ERCC6: variants seen among roughly 807,000 people sequenced by gnomAD.
The protein encoded by ERCC6 is DNA excision repair protein ERCC-6.
In ERCC6, 116 loss-of-function variants were observed where a neutral mutation model predicts 158.7. The ratio of observed to expected loss-of-function variants is 0.73; its 90% CI spans 0.63 to 0.85. The LOEUF (loss-of-function observed/expected upper bound fraction) is 0.85. Among genes scored for constraint, ERCC6 ranks in the 40% least tolerant of loss-of-function variants. The probability of loss-of-function intolerance (pLI) is 0.00; values close to 1 mark genes in which losing one functional copy is unlikely to be tolerated. For synonymous variants in ERCC6, 678 were observed against 659.3 expected (o/e 1.03, Z -0.43); for missense variants, 1,698 against 1,799.4 (o/e 0.94, Z 1.02).
intron 7 of ERCC6, among the ~76,000 whole-genome samples, chr10:49,500,176 T>C (rs1179002898): frequency 2.0e-5 from 3 of 152,360 alleles, no homozygotes; most frequent in Admixed American, 6.5e-5. Context: ...AAAGGTATTA[T>C]GTCTAATTTA....
rs1227866860 is a variant in ERCC6 at position 49,458,683 on chromosome 10, T to G, written c.*132A>C. The G allele has an allele frequency of 4.7e-6, 4 of 855,580 alleles. No individual in the cohort carries two copies. In the African/African-American group the frequency reaches 6.9e-5, roughly 15 times the overall value. 53.0% of individuals were successfully genotyped at this position (855,580 alleles called of 1,614,324 possible). A position where few individuals can be genotyped will look rare whatever the true frequency, so the allele number is the denominator to read the frequency against. On this transcript the variant is annotated 3_prime_UTR_variant, in exon 21 of 21. Coordinates refer to ENST00000355832, the MANE Select transcript of ERCC6 (RefSeq NM_000124.4). ...TTCTTCTTCCTTAAAGTTTTAATTC[T>G]GAGGTAGACATCATGCAAACAAACA...
chr10:49,494,034 C>T (rs1023788970), intron 7 of ERCC6, among the ~76,000 whole-genome samples: 1 of 152,208 alleles, frequency 6.6e-6, no homozygotes, highest in African/African-American at 2.4e-5. Context: ...CACTGGGATA[C>T]ACACTGGAGC....
intron 4 of ERCC6, among the ~76,000 whole-genome samples, chr10:49,527,658 A>C (rs1032638935): frequency 1.3e-5 from 2 of 152,248 alleles, no homozygotes; most frequent in Non-Finnish European, 2.9e-5. Flanking sequence ...CTTGGGCAAC[A>C]AGAACGAAAC....
chr10:49,471,045 A>T lies in ERCC6; in HGVS notation c.3000T>A (p.Asp1000Glu). The change falls in exon 17 of 21, where the codon GAT becomes GAA. Residue 1000 changes from aspartate (D) to glutamate (E), a missense_variant. Coordinates refer to ENST00000355832, the MANE Select transcript of ERCC6 (RefSeq NM_000124.4). Reference sequence around the variant, plus strand: ...TAGTCAGAGTAAATAGCTCATAGAGATCATTGGATTTGAAAAACCGCCTTT... The same window carrying T: ...TAGTCAGAGTAAATAGCTCATAGAGTTCATTGGATTTGAAAAACCGCCTTT... ...PKQRRFFKSN[D>E]LYELFTLTSP... is the part of the protein sequence containing the mutation. The T allele has an allele frequency of 6.2e-7, 1 of 1,614,122 alleles. No individual in the cohort carries two copies. Among genetic ancestry groups the T allele is most frequent in the South Asian group, 1.1e-5 (1 of 91,082 alleles).
rs1295146037 is a variant in ERCC6 at position 49,470,903 on chromosome 10, A to G, written c.3071-14T>C. On this transcript the variant is annotated splice_polypyrimidine_tract_variant and intron_variant, in intron 17 of 20. Coordinates refer to ENST00000355832, the MANE Select transcript of ERCC6 (RefSeq NM_000124.4). ...CTGATCCAGTTCCTGTAAAGAGGAAAAACACCACTAATACTATATTGTATC... is the reference window on the plus strand; with the variant it reads ...CTGATCCAGTTCCTGTAAAGAGGAAGAACACCACTAATACTATATTGTATC... The G allele has an allele frequency of 6.2e-7, 1 of 1,613,516 alleles. No individual in the cohort carries two copies. The highest frequency in any genetic ancestry group is 8.5e-7 in the Non-Finnish European group (1 of 1,179,698).
chr10:49,493,389 T>G (rs1851210727), intron 7 of ERCC6, 137 bp from the exon 8 acceptor site: 2 of 1,128,730 alleles, frequency 1.8e-6, no homozygotes, highest in African/African-American at 1.6e-5. Flanking sequence ...TTATTGATAT[T>G]TTCTTTAAGA....
chr10:49,436,177 C>G, the ERCC6 span, among the ~76,000 whole-genome samples: 4 of 152,208 alleles, frequency 2.6e-5, no homozygotes, highest in East Asian at 5.8e-4. Flanking sequence ...ACCTCTACCT[C>G]TCTCCATGCT....
intron 7 of ERCC6, among the ~76,000 whole-genome samples, chr10:49,500,197 T>A (rs1235238867): frequency 6.6e-6 from 1 of 152,214 alleles, no homozygotes; most frequent in Admixed American, 6.5e-5. Context: ...AAATTCCATA[T>A]TGTGTAAACT....
chr10:49,530,701 G>A lies in ERCC6; in HGVS notation c.543+19C>T. The stretch of plus-strand genomic sequence containing the variant: ...ATGACTTTTTCAAAAATGCAATACT[G>A]AATGTTATTCTGAATCACCTTATTA... On this transcript the variant is annotated intron_variant, in intron 3 of 20. Coordinates refer to ENST00000355832, the MANE Select transcript of ERCC6 (RefSeq NM_000124.4). 1.2e-6 allele frequency: 2 copies of A among 1,611,524 alleles called. No individual in the cohort carries two copies. The highest frequency in any genetic ancestry group is 1.1e-5 in the South Asian group (1 of 90,772).
chr10:49,519,243 G>C (rs4253063), intron 5 of ERCC6, among the ~76,000 whole-genome samples: 4,714 of 152,298 alleles, frequency 0.031, 243 homozygotes, highest in African/African-American at 0.11. Context: ...AAGGAAACAT[G>C]TATGTAGAGG....
rs570490623 is a variant in ERCC6, at chr10:49,479,479, AAAG to A, written c.2170-1012_2170-1010del. Among the ~76,000 whole-genome samples the A allele has an allele frequency of 2.8e-3, 425 of 152,338 alleles. 1 individual carries two copies. The highest frequency in any genetic ancestry group is 9.9e-3 in the African/African-American group (410 of 41,576). ...GGCTTTACTTTGAATAATACATAAAAAAGAAGCTCAACTAATCAATGACTTTTA... is the reference window on the plus strand; with the variant it reads ...GGCTTTACTTTGAATAATACATAAAAAAGCTCAACTAATCAATGACTTTTA... On this transcript the variant is annotated intron_variant, in intron 10 of 20. Transcript: ENST00000355832.
chr10:49,474,734 GATTATT>G (rs567864286), intron 12 of ERCC6, among the ~76,000 whole-genome samples: 1 of 151,952 alleles, frequency 6.6e-6, no homozygotes, highest in Non-Finnish European at 1.5e-5. Context: ...TTTACCTTTA[GATTATT>G]ATTATATCAG....
At chr10:49,480,244 A>T (rs1262367786) in intron 10 of ERCC6, among the ~76,000 whole-genome samples, 1 of 151,950 alleles carries the variant, frequency 6.6e-6, no homozygotes, top group Non-Finnish European at 1.5e-5. Context: ...GAGCCCCATA[A>T]GCTCTGACAC....
chr10:49,476,078 A>C (rs557098613), intron 12 of ERCC6, 137 bp downstream of exon 12: 11 of 708,484 alleles, frequency 1.6e-5, no homozygotes, highest in Non-Finnish European at 2.5e-5. Flanking sequence ...CTGCACATCT[A>C]CCATGCGGGA....
At chr10:49,509,238 C>T (rs746162012) in intron 5 of ERCC6, among the ~76,000 whole-genome samples, 2 of 152,078 alleles carry the variant, frequency 1.3e-5, no homozygotes, top group Non-Finnish European at 2.9e-5. Flanking sequence ...AGCACAGAAC[C>T]TAGATTAGGA....
chr10:49,523,022 T>G (rs1459767252), intron 5 of ERCC6, among the ~76,000 whole-genome samples: 2 of 151,904 alleles, frequency 1.3e-5, no homozygotes, highest in Non-Finnish European at 2.9e-5. Context: ...TGGACGGGGG[T>G]TAATGAGCAG....
At chr10:49,461,936 A>G (rs1412384333) in intron 18 of ERCC6, among the ~76,000 whole-genome samples, 1 of 152,194 alleles carries the variant, frequency 6.6e-6, no homozygotes, top group African/African-American at 2.4e-5. Flanking sequence ...ACAGAAAGAC[A>G]TCCCTTGCAT....
intron 20 of ERCC6, chr10:49,460,123 G>C: frequency 1.8e-6 from 1 of 557,774 alleles, no homozygotes; most frequent in Non-Finnish European, 3.2e-6. Context: ...ACCTATCCCT[G>C]TGTCAACCTT....
chr10:49,527,682 T>C (rs140496471), intron 4 of ERCC6, among the ~76,000 whole-genome samples: 84 of 152,348 alleles, frequency 5.5e-4, no homozygotes, highest in African/African-American at 1.9e-3. Context: ...GTTTCAAAAA[T>C]ATACATATTT....
Sources: gnomAD v4.1 joint callset for allele counts (sites outside exome capture counted in the v4.1 genomes callset) on GRCh38, gnomAD v4.1.1 for gene constraint, MANE v1.5 for transcripts, NCBI Gene and HGNC (gene_info 2026-07-23, HGNC 2026-07-21) for gene names.